The following OSBPL10 variants were observed in gnomAD, a reference collection of about 807,000 sequenced individuals.
OSBPL10 encodes oxysterol binding protein like 10.
OSBPL10 carries 49 observed loss-of-function variants against 81.7 expected under a neutral mutation model. The observed-to-expected ratio is 0.60, with a 90% CI of 0.48 to 0.76. The LOEUF (loss-of-function observed/expected upper bound fraction) is 0.76, where lower values mean the gene tolerates loss of function less well. OSBPL10 is among the 30% of genes least tolerant of loss of function. OSBPL10 has a pLI of 0.00. For synonymous variants in OSBPL10, 419 were observed against 383.6 expected (o/e 1.09, Z -1.08); for missense variants, 923 against 987.8 (o/e 0.93, Z 0.88).
rs1480761708 is a variant in OSBPL10 at position 31,980,977 on chromosome 3, C to T, written c.203G>A (p.Gly68Glu). The change falls in exon 1 of 12, where the codon GGA (glycine) becomes GAA (glutamate). Residue 68 changes from glycine (G) to glutamate (E), a missense_variant. By Grantham distance (98) the Gly-to-Glu change is moderately conservative. Coordinates refer to ENST00000396556, the MANE Select transcript of OSBPL10 (RefSeq NM_017784.5). ...PGSVAASPSG[G>E]GGRRREPALE... ...CGCCGGCTCCCTCCTGCGGCCGCCT[C>T]CCCCGGACGGGCTAGCGGCCACAGA... The T allele has an allele frequency of 1.9e-6, 3 of 1,560,808 alleles. No homozygotes were observed. The highest frequency in any genetic ancestry group is 2.8e-5 in the African/African-American group (2 of 70,730).
chr3:31,973,106 G>C (rs866656951), intron 1 of OSBPL10, among the ~76,000 whole-genome samples: 3 of 152,158 alleles, frequency 2.0e-5, no homozygotes, highest in Admixed American at 6.5e-5. Context: ...GAGCCAGGCA[G>C]AACTGCAAAA....
intron 3 of OSBPL10, among the ~76,000 whole-genome samples, chr3:31,855,173 T>TGCCACCC (rs1700878421): frequency 6.7e-6 from 1 of 149,952 alleles, no homozygotes; most frequent in Non-Finnish European, 1.5e-5. Context: ...CTAAAGCATG[T>TGCCACCC]GCCACCCTGG....
chr3:31,662,919 T>C (rs1454549574), intron 11 of OSBPL10: 1 of 985,230 alleles, frequency 1.0e-6, no homozygotes, highest in Non-Finnish European at 1.2e-6. Context: ...CCACACAGGG[T>C]CCCCACTCAG....
At chr3:31,937,638 T>A (rs964508485) in intron 1 of OSBPL10, among the ~76,000 whole-genome samples, 1 of 151,648 alleles carries the variant, frequency 6.6e-6, no homozygotes, top group Non-Finnish European at 1.5e-5. Flanking sequence ...ACACCCACAG[T>A]CCAAAACTTC....
At chr3:31,802,736 G>A (rs747556799) in intron 4 of OSBPL10, among the ~76,000 whole-genome samples, 1 of 151,912 alleles carries the variant, frequency 6.6e-6, no homozygotes, top group Non-Finnish European at 1.5e-5. Flanking sequence ...CCAAGTTCCT[G>A]CAAACGGATC....
chr3:31,722,691 C>T (rs1696684241), intron 6 of OSBPL10, among the ~76,000 whole-genome samples: 4 of 152,020 alleles, frequency 2.6e-5, no homozygotes, highest in Admixed American at 2.6e-4. Flanking sequence ...GAATTACAAG[C>T]TGGCTCTGCA....
chr3:31,758,007 T>C (rs973963370), intron 4 of OSBPL10, among the ~76,000 whole-genome samples: 1 of 152,206 alleles, frequency 6.6e-6, no homozygotes, highest in Non-Finnish European at 1.5e-5. Flanking sequence ...ACCAGGAAGA[T>C]AATAAGGATG....
chr3:31,892,712 A>G (rs113366395), intron 1 of OSBPL10, among the ~76,000 whole-genome samples: 1 of 152,020 alleles, frequency 6.6e-6, no homozygotes, highest in Admixed American at 6.5e-5. Flanking sequence ...TGCCTGAGGG[A>G]GAGGGAGAGG....
chr3:31,870,045 C>A (rs984492338), intron 3 of OSBPL10, among the ~76,000 whole-genome samples: 1 of 152,240 alleles, frequency 6.6e-6, no homozygotes, highest in African/African-American at 2.4e-5. Flanking sequence ...TTCAGCCCAC[C>A]GCTGCACTGT....
chr3:31,759,543 C>T (rs544842289), intron 4 of OSBPL10, among the ~76,000 whole-genome samples: 1 of 152,110 alleles, frequency 6.6e-6, no homozygotes, highest in Non-Finnish European at 1.5e-5. Context: ...TTTTAAAATC[C>T]TGGCAAATGT....
At chr3:31,783,112 T>TAC (rs1698742562) in intron 4 of OSBPL10, among the ~76,000 whole-genome samples, 2 of 11,116 alleles carry the variant, frequency 1.8e-4, no homozygotes, top group Non-Finnish European at 3.9e-4. Context: ...ATATATCTAT[T>TAC]ATATATATAT....
intron 1 of OSBPL10, among the ~76,000 whole-genome samples, chr3:31,978,559 C>T (rs1194352794): frequency 6.6e-6 from 1 of 152,168 alleles, no homozygotes. Context: ...CTTCTCCAAA[C>T]CACTAATGGA....
Position 31,748,113 on chromosome 3 carries a change from T to C in OSBPL10, c.737A>G (p.Asn246Ser), listed in dbSNP as rs1251590762. 6.2e-7 allele frequency: 1 copy of C among 1,612,116 alleles called. No homozygotes were observed. Among genetic ancestry groups the C allele is most frequent in the South Asian group, 1.1e-5 (1 of 90,780 alleles). Reference sequence around the variant, plus strand: ...GTTCTTCTGCTGCCCTTCCACCTGGTTCATCATCTACAAAACAAGAAGACA... The same window carrying C: ...GTTCTTCTGCTGCCCTTCCACCTGGCTCATCATCTACAAAACAAGAAGACA... ...GQLHEVREMM[N>S]QVEGQQKNLV... Residue 246 changes from asparagine (N) to serine (S), a missense_variant, in exon 5 of 12, where the codon AAC (asparagine) becomes AGC (serine). Asn to Ser is a conservative substitution (Grantham distance 46). Around this residue, in one of 3 missense-constraint regions of OSBPL10, gnomAD observed 514 missense variants for 508.0 expected, o/e 1.01. Transcript: ENST00000396556.
rs1251761927 is a variant in OSBPL10, at chr3:32,036,267, C to T, written n.298+10224G>A. ...CTCGCTATGTTGCCTGGGCTGGTCT[C>T]AAACCTCTGGCCTTAAGCCATCCTC... On this transcript the variant is annotated intron_variant and non_coding_transcript_variant, in intron 2 of 3. Coordinates refer to the OSBPL10 transcript ENST00000479173. Among the ~76,000 whole-genome samples the T allele has an allele frequency of 3.9e-5, 6 of 152,138 alleles. 1 individual carries two copies. Among genetic ancestry groups the T allele is most frequent in the Admixed American group, 3.9e-4 (6 of 15,264 alleles).
At position 31,830,179 on chromosome 3, in the gene OSBPL10, G is replaced by C. The variant is rs770510282; in HGVS notation, c.590C>G (p.Pro197Arg). 1.9e-6 allele frequency: 3 copies of C among 1,614,128 alleles called. No homozygotes were observed. The highest frequency in any genetic ancestry group is 1.7e-6 in the Non-Finnish European group (2 of 1,180,020). Residue 197 changes from proline to arginine, a missense_variant, in exon 4 of 12, where the codon CCC becomes CGC. Pro to Arg is a moderately radical substitution (Grantham distance 103, BLOSUM62 -2). Coordinates refer to ENST00000396556, the MANE Select transcript of OSBPL10 (RefSeq NM_017784.5). ...RSLTLLPHGTPNSASPCSQRH... is the reference protein window; with the variant it reads ...RSLTLLPHGTRNSASPCSQRH... ...CTGGCTACAGGGAGACGCAGAATTG[G>C]GTGTTCCATGTGGGAGCAAAGTGAG...
chr3:31,759,735 G>A lies in OSBPL10; in HGVS notation c.730-11615C>T, dbSNP rs190171385. The stretch of plus-strand genomic sequence containing the variant: ...GCACTGTATTCTTACAACAAAGCAA[G>A]AGAAAAGAGATGTTATTTTGTTTTT... On this transcript the variant is annotated intron_variant, in intron 4 of 11. Transcript: ENST00000396556. Among the ~76,000 whole-genome samples, 751 of 152,112 alleles carry A rather than the reference G, an allele frequency of 4.9e-3. 3 individuals carry two copies. Among genetic ancestry groups the A allele is most frequent in the Middle Eastern group, 0.027 (8 of 294 alleles).
At chr3:31,760,665 G>A (rs1025452587) in intron 4 of OSBPL10, among the ~76,000 whole-genome samples, 2 of 152,158 alleles carry the variant, frequency 1.3e-5, no homozygotes, top group African/African-American at 4.8e-5. Flanking sequence ...CAGATACGGA[G>A]GGCTGACTGT....
chr3:31,926,290 C>CCCCCCCT (rs1553641099), intron 1 of OSBPL10, among the ~76,000 whole-genome samples: 1 of 45,430 alleles, frequency 2.2e-5, no homozygotes, highest in Admixed American at 2.5e-4. Flanking sequence ...GGTGATTTTG[C>CCCCCCCT]CCCCCCAGAG....
chr3:31,831,873 G>A (rs1322984637), intron 3 of OSBPL10, among the ~76,000 whole-genome samples: 1 of 152,176 alleles, frequency 6.6e-6, no homozygotes, highest in African/African-American at 2.4e-5. Flanking sequence ...CCGTGTCTGG[G>A]AATGTATCCT....
Sources: allele counts gnomAD v4.1 joint callset (sites outside exome capture counted in the v4.1 genomes callset), GRCh38; gene constraint gnomAD v4.1.1; regional missense constraint gnomAD v4.1.1; transcripts MANE v1.5; gene names NCBI Gene and HGNC (gene_info 2026-07-23, HGNC 2026-07-21).